PEBP4: variants seen among roughly 807,000 people sequenced by gnomAD.
PEBP4 encodes the protein phosphatidylethanolamine-binding protein 4.
PEBP4 carries 22 observed loss-of-function variants against 23.9 expected under a neutral mutation model. The ratio of observed to expected loss-of-function variants is 0.92; its 90% CI spans 0.66 to 1.31. The LOEUF is 1.31. PEBP4 is among the 40% of genes most tolerant of loss of function. The pLI, the probability that PEBP4 is intolerant of heterozygous loss-of-function variation, is 0.00. For missense variants in PEBP4, 324 were observed against 281.7 expected (o/e 1.15, Z -1.07); for synonymous variants, 112 against 99.3 (o/e 1.13, Z -0.76).
chr8:22,791,583 T>C (rs932306070), intron 4 of PEBP4, among the ~76,000 whole-genome samples: 2 of 152,156 alleles, frequency 1.3e-5, no homozygotes, highest in African/African-American at 2.4e-5. Context: ...CGCACACGCA[T>C]GCACATTCAT....
At chr8:22,751,602 GTGTGTGTCTGTGTGTGTGTGTGTGTCTC>G (rs1383915341) in intron 4 of PEBP4, among the ~76,000 whole-genome samples, 2 of 132,242 alleles carry the variant, frequency 1.5e-5, no homozygotes, top group African/African-American at 5.5e-5. Flanking sequence ...GTGTGTGTGT[GTGTGTGTCTGTGTGTGTGTGTGTGTCTC>G]TGTGTGTGTG....
chr8:22,914,744 C>T lies in PEBP4; in HGVS notation c.258+5440G>A, dbSNP rs1287262124. Among the ~76,000 whole-genome samples, 8 of 152,230 alleles carry T rather than the reference C, an allele frequency of 5.3e-5. No individual in the cohort carries two copies. In the East Asian group the frequency reaches 5.8e-4, roughly 11 times the overall value. On this transcript the variant is annotated intron_variant, in intron 3 of 6. Coordinates refer to ENST00000256404, the MANE Select transcript of PEBP4 (RefSeq NM_144962.3). ...GGAGTCAGATGGCAGACCTGCCTCT[C>T]GGGCAGCTACCTCTGGATGCTACAG...
At chr8:22,807,658 C>T (rs146082050) in intron 4 of PEBP4, among the ~76,000 whole-genome samples, 76 of 152,210 alleles carry the variant, frequency 5.0e-4, no homozygotes, top group African/African-American at 1.8e-3. Flanking sequence ...TTACGCTGTT[C>T]CTTTCCTGAA....
chr8:22,879,241 CA>C (rs1301107856), intron 3 of PEBP4: 4 of 152,240 alleles, frequency 2.6e-5, no homozygotes, highest in Non-Finnish European at 4.4e-5. Flanking sequence ...GAACAGCACT[CA>C]ACATATTGCA....
intron 4 of PEBP4, among the ~76,000 whole-genome samples, chr8:22,740,188 A>G (rs967830344): frequency 2.0e-4 from 30 of 152,228 alleles, no homozygotes; most frequent in Admixed American, 6.5e-4. Flanking sequence ...AAAGAGACAG[A>G]GGGACTCTGG....
In PEBP4 at chr8:22,769,944, G is replaced by A. The variant is rs189037725; in HGVS notation, c.358-42724C>T. ...GCTCAGGAACCTGCATCTCCTCTTT[G>A]TTTTGTGACTCCCTATTCCTGCCAC... On this transcript the variant is annotated intron_variant, in intron 4 of 6. Transcript: ENST00000256404. Among the ~76,000 whole-genome samples, 103 of 152,198 alleles carry A rather than the reference G, an allele frequency of 6.8e-4. 1 individual carries two copies. The highest frequency in any genetic ancestry group is 2.4e-3 in the African/African-American group (98 of 41,528).
Position 22,713,386 on chromosome 8 carries a change from T to G in PEBP4, c.668A>C (p.Glu223Ala), listed in dbSNP as rs1364954554. 13 of 1,584,596 alleles carry G rather than the reference T, an allele frequency of 8.2e-6. No individual in the cohort carries two copies. Among genetic ancestry groups the G allele is most frequent in the Non-Finnish European group, 1.1e-5 (13 of 1,166,810 alleles). ...GCCGGCTATCTAGCAGGCAGCTATCTCCGCCTGGTTTTTGTGCTTGGGCTC... is the reference window on the plus strand; with the variant it reads ...GCCGGCTATCTAGCAGGCAGCTATCGCCGCCTGGTTTTTGTGCTTGGGCTC... ...ASEPKHKNQAEIAAC is the reference protein window; with the variant it reads ...ASEPKHKNQAAIAAC The change falls in exon 7 of 7, where the codon GAG becomes GCG. Residue 223 changes from glutamate to alanine, a missense_variant. Transcript: ENST00000256404.
intron 6 of PEBP4, among the ~76,000 whole-genome samples, chr8:22,718,145 G>C (rs1804451165): frequency 6.6e-6 from 1 of 152,064 alleles, no homozygotes; most frequent in Non-Finnish European, 1.5e-5. Context: ...AGGAGTGAGA[G>C]GGAGGGGATG....
intron 4 of PEBP4, among the ~76,000 whole-genome samples, chr8:22,809,288 G>C (rs879512767): frequency 6.6e-6 from 1 of 152,162 alleles, no homozygotes; most frequent in Non-Finnish European, 1.5e-5. Context: ...CTCATAGTAA[G>C]TAGAGAATCA....
At chr8:22,808,667 A>C (rs559493364) in intron 4 of PEBP4, among the ~76,000 whole-genome samples, 1 of 152,274 alleles carries the variant, frequency 6.6e-6, no homozygotes, top group South Asian at 2.1e-4. Context: ...TGCCTCACGG[A>C]GATGAGGAGG....
At chr8:22,719,225 G>A (rs1804472696) in intron 6 of PEBP4, among the ~76,000 whole-genome samples, 1 of 152,222 alleles carries the variant, frequency 6.6e-6, no homozygotes, top group South Asian at 2.1e-4. Flanking sequence ...CTGCCCTGGA[G>A]GTGGTGACCC....
At chr8:22,799,049 T>C (rs1806329430) in intron 4 of PEBP4, among the ~76,000 whole-genome samples, 1 of 152,150 alleles carries the variant, frequency 6.6e-6, no homozygotes, top group Non-Finnish European at 1.5e-5. Context: ...TATCTATGAA[T>C]TAAGACCTGG....
chr8:22,859,065 A>C (rs1247734886), intron 3 of PEBP4, among the ~76,000 whole-genome samples: 1 of 152,256 alleles, frequency 6.6e-6, no homozygotes, highest in Non-Finnish European at 1.5e-5. Flanking sequence ...AAACACTTCA[A>C]AAAACCCAAC....
intron 3 of PEBP4, chr8:22,896,179 C>T (rs1397775783): frequency 6.6e-6 from 1 of 152,230 alleles, no homozygotes; most frequent in East Asian, 1.9e-4. Context: ...GGAGGAGAGA[C>T]AGGGAATGGA....
chr8:22,932,902 G>C (rs1809480117), upstream of PEBP4, among the ~76,000 whole-genome samples: 1 of 151,582 alleles, frequency 6.6e-6, no homozygotes, highest in South Asian at 2.1e-4. Context: ...CTATTTGGGA[G>C]GCTAAGGCAG....
At chr8:22,912,028 A>C (rs567438387) in intron 3 of PEBP4, among the ~76,000 whole-genome samples, 1 of 151,656 alleles carries the variant, frequency 6.6e-6, no homozygotes, top group African/African-American at 2.4e-5. Context: ...GGGGTGGCGG[A>C]TTGGGTAAGG....
chr8:22,795,158 T>TAC (rs1806220152), intron 4 of PEBP4, among the ~76,000 whole-genome samples: 1 of 35,062 alleles, frequency 2.9e-5, no homozygotes. Flanking sequence ...TATATATATA[T>TAC]ATATATTTTT....
At chr8:22,866,844 C>G (rs10098786) in intron 3 of PEBP4, among the ~76,000 whole-genome samples, 2,712 of 152,004 alleles carry the variant, frequency 0.018, 67 homozygotes, top group African/African-American at 0.062. Context: ...TAAAATACAG[C>G]TTGAATGCAA....
At chr8:22,939,291 G>A (rs1156605115) in intron 1 of PEBP4, among the ~76,000 whole-genome samples, 1 of 151,982 alleles carries the variant, frequency 6.6e-6, no homozygotes, top group Admixed American at 6.6e-5. Context: ...AGGATATGAA[G>A]ACAAAGAAAA....
Sources: allele counts gnomAD v4.1 joint callset (sites outside exome capture counted in the v4.1 genomes callset), GRCh38; gene constraint gnomAD v4.1.1; transcripts MANE v1.5; gene names NCBI Gene and HGNC (gene_info 2026-07-23, HGNC 2026-07-21).